Variants in DOCK3 observed in about 807,000 individuals in gnomAD.
DOCK3 encodes dedicator of cytokinesis protein 3.
Under a neutral mutation model 265.6 loss-of-function variants are expected in DOCK3, and 60 were observed. The ratio of observed to expected loss-of-function variants is 0.23; its 90% confidence interval spans 0.18 to 0.28. The LOEUF (loss-of-function observed/expected upper bound fraction) is 0.28, where lower values mean the gene tolerates loss of function less well. DOCK3 is among the 10% of genes least tolerant of loss of function. DOCK3 has a pLI of 1.00. For missense variants in DOCK3, 1,981 were observed against 2,594.3 expected, an observed-to-expected ratio of 0.76 and a Z score of 5.14; for synonymous variants, 881 against 938.0, an observed-to-expected ratio of 0.94 and a Z score of 1.11.
Position 50,890,043 on chromosome 3 carries a change from T to C in DOCK3, c.180T>C (p.Asn60=). Residue 60 remains asparagine (N), a synonymous_variant, in exon 4 of 53, where the codon AAT becomes AAC. Transcript: ENST00000266037. ...TTTTACAGGGGATCTTTCCTGCAAA[T>C]TACATTCACTTGAAAAAGGCAATTG... ...KPNVKGIFPA[N]YIHLKKAIVS... 1 of 1,418,572 alleles carries C rather than the reference T, an allele frequency of 7.0e-7. No homozygotes were observed. The highest frequency in any genetic ancestry group is 9.1e-7 in the Non-Finnish European group (1 of 1,094,938). The allele number at this position is 1,418,572 out of a possible 1,614,324, so 87.9% of individuals were successfully genotyped here. A position where few individuals can be genotyped will look rare whatever the true frequency, so the allele number is the denominator to read the frequency against.
At chr3:51,323,056 C>T (rs1300253660) in intron 32 of DOCK3, among the ~76,000 whole-genome samples, 1 of 151,984 alleles carries the variant, frequency 6.6e-6, no homozygotes, top group East Asian at 1.9e-4. Flanking sequence ...CAAAGAACTG[C>T]ATTACATAAT....
intron 1 of DOCK3, among the ~76,000 whole-genome samples, chr3:50,763,472 G>T (rs1440471299): frequency 6.6e-6 from 1 of 151,902 alleles, no homozygotes; most frequent in Non-Finnish European, 1.5e-5. Flanking sequence ...TAGTAGAGAT[G>T]GGGTTTTGCC....
intron 9 of DOCK3, among the ~76,000 whole-genome samples, chr3:51,100,033 A>AT (rs1156761948): frequency 1.1e-5 from 1 of 92,132 alleles, no homozygotes; most frequent in Non-Finnish European, 2.1e-5. Flanking sequence ...TTAAGGATAA[A>AT]TAAAAAAAAC....
intron 10 of DOCK3, among the ~76,000 whole-genome samples, chr3:51,154,655 T>G (rs77365446): frequency 1.0e-3 from 158 of 152,334 alleles, no homozygotes; most frequent in Non-Finnish European, 1.8e-3. Flanking sequence ...AATTGTTGAT[T>G]CCTTGTTTCT....
At chr3:50,709,783 G>A (rs1163297230) in intron 1 of DOCK3, among the ~76,000 whole-genome samples, 2 of 152,146 alleles carry the variant, frequency 1.3e-5, no homozygotes, top group South Asian at 2.1e-4. Flanking sequence ...CTGAGATCAC[G>A]CCATTGCACT....
rs1045472664 is a variant in DOCK3 at position 50,786,617 on chromosome 3, A to T, written c.121+7859A>T. ...CCAACTGCCACAGAAAGTTGTCCGCACTCTGGCCTTTATGATTTAAAGTTG... is the reference window on the plus strand; with the variant it reads ...CCAACTGCCACAGAAAGTTGTCCGCTCTCTGGCCTTTATGATTTAAAGTTG... On this transcript the variant is annotated intron_variant, in intron 2 of 52. Coordinates refer to ENST00000266037, the MANE Select transcript of DOCK3 (RefSeq NM_004947.5). 1.9e-5 allele frequency: 11 copies of T among 576,998 alleles called. 1 individual carries two copies. The highest frequency in any genetic ancestry group is 1.7e-4 in the African/African-American group (9 of 54,060). The allele number at this position is 576,998 out of a possible 1,614,324, so 35.7% of individuals were successfully genotyped here.
rs1190103130 is a variant in DOCK3 at position 51,359,527 on chromosome 3, C to T, written c.4885-984C>T. Among the ~76,000 whole-genome samples, 1 of 152,214 alleles carries T rather than the reference C, an allele frequency of 6.6e-6. No individual in the cohort carries two copies. The highest frequency in any genetic ancestry group is 2.4e-5 in the African/African-American group (1 of 41,448). On this transcript the variant is annotated intron_variant, in intron 46 of 52. Transcript: ENST00000266037. The surrounding 1 kb of genome is among the most constrained non-coding windows in gnomAD (Gnocchi z 4.8). The stretch of plus-strand genomic sequence containing the variant: ...GGTGGGTATTCATTCCACTACCTCT[C>T]ATTCCAGGGTCTCCTGCCTGTTTGA...
At chr3:50,963,012 C>T (rs1214238312) in intron 5 of DOCK3, among the ~76,000 whole-genome samples, 4 of 152,090 alleles carry the variant, frequency 2.6e-5, no homozygotes, top group Non-Finnish European at 4.4e-5. Flanking sequence ...GATGGCGAAA[C>T]CCTGTCTCTA....
At chr3:50,837,028 T>C (rs2045550784) in intron 2 of DOCK3, among the ~76,000 whole-genome samples, 2 of 152,212 alleles carry the variant, frequency 1.3e-5, no homozygotes, top group Admixed American at 6.5e-5. Context: ...TCAATATCAC[T>C]ATCAGCATTT....
At chr3:50,835,741 G>A (rs2045470308) in intron 2 of DOCK3, among the ~76,000 whole-genome samples, 1 of 152,162 alleles carries the variant, frequency 6.6e-6, no homozygotes, top group Admixed American at 6.5e-5. Flanking sequence ...TTCCATTTTT[G>A]TAGCAGATTC....
chr3:51,151,949 T>C (rs1169997822), intron 10 of DOCK3, among the ~76,000 whole-genome samples: 4 of 152,194 alleles, frequency 2.6e-5, no homozygotes, highest in Non-Finnish European at 4.4e-5. Flanking sequence ...ATTTCAACTT[T>C]GGTGAATCTG....
intron 12 of DOCK3, 81 bp downstream of exon 12, chr3:51,160,783 A>C: frequency 1.3e-6 from 2 of 1,492,118 alleles, no homozygotes; most frequent in Admixed American, 2.2e-5. Flanking sequence ...TAGTGCTCAA[A>C]CCTTGTGGAC....
intron 29 of DOCK3, 121 bp downstream of exon 29, chr3:51,312,200 G>A: frequency 1.1e-6 from 1 of 932,764 alleles, no homozygotes; most frequent in South Asian, 1.6e-5. Flanking sequence ...CAAGCCTGAT[G>A]ATGATTAGAA....
At chr3:50,910,354 C>T (rs1373107341) in intron 4 of DOCK3, among the ~76,000 whole-genome samples, 2 of 152,106 alleles carry the variant, frequency 1.3e-5, no homozygotes, top group East Asian at 3.9e-4. Flanking sequence ...GGCAGTGCAG[C>T]TCAGGGAGAG....
chr3:51,276,065 T>C (rs1327178967), intron 25 of DOCK3, among the ~76,000 whole-genome samples: 1 of 152,188 alleles, frequency 6.6e-6, no homozygotes, highest in Non-Finnish European at 1.5e-5. Flanking sequence ...GAAGGGCAGT[T>C]GCCAGGTGAT....
intron 49 of DOCK3, among the ~76,000 whole-genome samples, chr3:51,372,019 T>C (rs969952819): frequency 2.0e-5 from 3 of 152,066 alleles, no homozygotes; most frequent in Non-Finnish European, 4.4e-5. Context: ...GAACAGAGAG[T>C]AGTCCTGTCT....
chr3:50,817,396 A>G (rs1308238213), intron 2 of DOCK3, among the ~76,000 whole-genome samples: 2 of 152,066 alleles, frequency 1.3e-5, no homozygotes, highest in South Asian at 2.1e-4. Context: ...GGCTCAAGCC[A>G]TTTGTCCTCC....
chr3:50,768,684 C>T (rs1259647243), intron 1 of DOCK3, among the ~76,000 whole-genome samples: 1 of 152,140 alleles, frequency 6.6e-6, no homozygotes, highest in Non-Finnish European at 1.5e-5. Context: ...GATTCCATAT[C>T]TTGGCTGTTG....
intron 1 of DOCK3, among the ~76,000 whole-genome samples, chr3:50,733,416 A>G (rs912024707): frequency 3.3e-5 from 5 of 152,290 alleles, no homozygotes; most frequent in South Asian, 2.1e-4. Context: ...TGTTAGATGC[A>G]TATGTATTTA....
Sources: allele counts gnomAD v4.1 joint callset (sites outside exome capture counted in the v4.1 genomes callset), GRCh38; gene constraint gnomAD v4.1.1; non-coding constraint Gnocchi (gnomAD v3.1); transcripts MANE v1.5; gene names NCBI Gene and HGNC (gene_info 2026-07-23, HGNC 2026-07-21).